OSBP2: variants seen among roughly 807,000 people sequenced by gnomAD.
The protein encoded by OSBP2 is oxysterol binding protein 2, also known as oxysterol-binding protein 2.
Under a neutral mutation model 96.0 loss-of-function variants are expected in OSBP2, and 66 were observed. The ratio of observed to expected loss-of-function variants is 0.69; its 90% CI spans 0.56 to 0.84. The LOEUF is 0.84. Among genes scored for constraint, OSBP2 ranks in the 40% least tolerant of loss-of-function variants. The pLI is 0.00. For synonymous variants in OSBP2, 525 were observed against 520.9 expected (o/e 1.01, Z -0.11); for missense variants, 1,038 against 1,222.7 (o/e 0.85, Z 2.25).
chr22:30,707,026 C>A (rs564520212), intron 1 of OSBP2, among the ~76,000 whole-genome samples: 1 of 152,288 alleles, frequency 6.6e-6, no homozygotes, highest in Non-Finnish European at 1.5e-5. Context: ...AACATAGGGC[C>A]ATGTCTTCTC....
Position 30,883,847 on chromosome 22 carries a change from C to G in OSBP2, c.1108-3579C>G, listed in dbSNP as rs1190421273. ...AACCAGCAAAGAGGTGCCATCTGGT[C>G]TGGCTGCTGGGGCACATTGTCTCTG... On this transcript the variant is annotated intron_variant, in intron 3 of 13. Transcript: ENST00000332585. Among the ~76,000 whole-genome samples, 3 of 152,186 alleles carry G rather than the reference C, an allele frequency of 2.0e-5. No individual in the cohort carries two copies. The East Asian group carries it at 5.8e-4, about 29-fold the overall frequency.
intron 2 of OSBP2, among the ~76,000 whole-genome samples, chr22:30,842,027 C>G (rs555796686): frequency 6.6e-6 from 1 of 151,976 alleles, no homozygotes; most frequent in African/African-American, 2.4e-5. Context: ...CTCACTGGAG[C>G]CTTCACCTCC....
At chr22:30,851,030 T>C (rs1278309999) in intron 2 of OSBP2, among the ~76,000 whole-genome samples, 1 of 152,190 alleles carries the variant, frequency 6.6e-6, no homozygotes, top group East Asian at 1.9e-4. Context: ...TTGTATTTAC[T>C]GTTTTTGATG....
chr22:30,893,963 CCT>C lies in OSBP2; in HGVS notation c.2338_2339del (p.Leu780ValfsTer102). 6.2e-7 allele frequency: 1 copy of C among 1,600,028 alleles called. No homozygotes were observed. Among genetic ancestry groups the C allele is most frequent in the Non-Finnish European group, 8.5e-7 (1 of 1,173,798 alleles). On this transcript the variant is annotated frameshift_variant, in exon 12 of 14. Transcript: ENST00000332585. LOFTEE classifies it high-confidence loss of function. Reference protein sequence around the residue: ...DGKQKTVYQTLSAKLLWKKYP... With the variant: ...DGKQKTVYQTXSAKLLWKKYP... ...GGAAGCAGAAGACAGTGTACCAGACCCTGTCAGCCAAGCTGCTGTGGAAGAAG... is the reference window on the plus strand; with the variant it reads ...GGAAGCAGAAGACAGTGTACCAGACCGTCAGCCAAGCTGCTGTGGAAGAAG...
At chr22:30,894,650 A>G (rs5997802) in intron 12 of OSBP2, among the ~76,000 whole-genome samples, 39,578 of 152,218 alleles carry the variant, frequency 0.26, 5,528 homozygotes, top group East Asian at 0.5. Flanking sequence ...TCCCAAAAGG[A>G]AAGAGGGACT....
intron 2 of OSBP2, among the ~76,000 whole-genome samples, chr22:30,867,277 C>T (rs1451952537): frequency 6.6e-6 from 1 of 152,172 alleles, no homozygotes; most frequent in African/African-American, 2.4e-5. Context: ...TCCCTTTTGC[C>T]AGAGGACAAA....
intron 12 of OSBP2, among the ~76,000 whole-genome samples, chr22:30,898,619 C>G (rs1416938322): frequency 6.6e-6 from 1 of 152,060 alleles, no homozygotes; most frequent in Non-Finnish European, 1.5e-5. Context: ...ACAAAACCAT[C>G]AGATCTAGTG....
intron 1 of OSBP2, among the ~76,000 whole-genome samples, chr22:30,726,295 A>AT (rs2089649579): frequency 6.6e-6 from 1 of 152,242 alleles, no homozygotes; most frequent in African/African-American, 2.4e-5. Flanking sequence ...GTGGAATACT[A>AT]TGCAGCCATA....
intron 2 of OSBP2, among the ~76,000 whole-genome samples, chr22:30,854,002 G>A (rs945253681): frequency 8.6e-5 from 13 of 151,976 alleles, no homozygotes; most frequent in African/African-American, 2.9e-4. Context: ...CTCATCATCC[G>A]CCCACCTCGG....
At chr22:30,694,766 C>A, upstream of OSBP2, 1 of 570,344 alleles carries the variant, frequency 1.8e-6, no homozygotes, top group Non-Finnish European at 2.2e-6. Flanking sequence ...CGGGCGCTGA[C>A]GGGCACGGAG....
chr22:30,832,014 C>T (rs1410414252), intron 2 of OSBP2, among the ~76,000 whole-genome samples: 1 of 152,180 alleles, frequency 6.6e-6, no homozygotes, highest in Non-Finnish European at 1.5e-5. Flanking sequence ...TGACCTTTCT[C>T]CTCCTGCTCC....
At chr22:30,889,815 A>C (rs527973536) in intron 7 of OSBP2, among the ~76,000 whole-genome samples, 179 bp downstream of exon 7, 1 of 152,314 alleles carries the variant, frequency 6.6e-6, no homozygotes, top group South Asian at 2.1e-4. Context: ...CCAATCTTCC[A>C]AAGTACAGGG....
chr22:30,770,097 A>ATTT (rs136328), intron 2 of OSBP2, among the ~76,000 whole-genome samples: 3 of 117,890 alleles, frequency 2.5e-5, no homozygotes, highest in African/African-American at 6.7e-5. Context: ...TTCCCCCATG[A>ATTT]TTTTTTTTTT....
rs970746611 is a variant in OSBP2, at chr22:30,883,799, C to T, written c.1108-3627C>T. 2.8e-4 allele frequency among the ~76,000 whole-genome samples: 43 copies of T among 151,850 alleles called. 2 individuals carry two copies. The highest frequency in any genetic ancestry group is 1.9e-4 in the Non-Finnish European group (13 of 68,000). On this transcript the variant is annotated intron_variant, in intron 3 of 13. Coordinates refer to ENST00000332585, the MANE Select transcript of OSBP2 (RefSeq NM_030758.4). Reference sequence around the variant, plus strand: ...GATACCGTCCCCCTGCCTCCGCCACCGCCCTTACACCCACTGGCACAAAAC... The same window carrying T: ...GATACCGTCCCCCTGCCTCCGCCACTGCCCTTACACCCACTGGCACAAAAC...
intron 1 of OSBP2, among the ~76,000 whole-genome samples, chr22:30,722,929 G>C (rs1004706887): frequency 6.6e-6 from 1 of 151,432 alleles, no homozygotes; most frequent in South Asian, 2.1e-4. Flanking sequence ...GACTACAGGC[G>C]TGTGCCACCA....
chr22:30,866,026 CA>C (rs2039329733), intron 2 of OSBP2, among the ~76,000 whole-genome samples: 1 of 152,178 alleles, frequency 6.6e-6, no homozygotes, highest in Non-Finnish European at 1.5e-5. Flanking sequence ...GGCAGTAAAT[CA>C]GACCGTAATG....
chr22:30,889,758 C>T, intron 7 of OSBP2, 122 bp downstream of exon 7: 3 of 857,006 alleles, frequency 3.5e-6, no homozygotes, highest in Non-Finnish European at 1.9e-6. Context: ...CTTAACGGCA[C>T]CTGAGGAGCA....
At chr22:30,829,355 C>T (rs1313267982) in intron 2 of OSBP2, among the ~76,000 whole-genome samples, 2 of 152,182 alleles carry the variant, frequency 1.3e-5, no homozygotes, top group Middle Eastern at 3.2e-3. Flanking sequence ...TGCCGTGGTG[C>T]AATCTCGGCT....
At chr22:30,845,429 TTAAA>T (rs1207219926) in intron 2 of OSBP2, among the ~76,000 whole-genome samples, 5 of 150,392 alleles carry the variant, frequency 3.3e-5, no homozygotes, top group African/African-American at 4.9e-5. Flanking sequence ...ATCTCAGAAA[TTAAA>T]TAAATAAATA....
Sources: gnomAD v4.1 joint callset for allele counts (sites outside exome capture counted in the v4.1 genomes callset) on GRCh38, gnomAD v4.1.1 for gene constraint, MANE v1.5 for transcripts, NCBI Gene and HGNC (gene_info 2026-07-23, HGNC 2026-07-21) for gene names.